Variants in FHIT observed in about 807,000 individuals in gnomAD.
FHIT encodes bis(5'-adenosyl)-triphosphatase.
Under a neutral mutation model 17.9 loss-of-function variants are expected in FHIT, and 19 were observed. That is an observed-to-expected ratio of 1.06 (90% CI 0.74 to 1.56). The LOEUF (loss-of-function observed/expected upper bound fraction) is 1.56, where lower values mean the gene tolerates loss of function less well. FHIT is among the 40% of genes most tolerant of loss of function. The pLI is 0.00. For synonymous variants in FHIT, 81 were observed against 69.7 expected (o/e 1.16, Z -0.81); for missense variants, 248 against 189.2 (o/e 1.31, Z -1.82).
At chr3:60,917,934 C>T (rs997308133) in intron 3 of FHIT, among the ~76,000 whole-genome samples, 2 of 152,186 alleles carry the variant, frequency 1.3e-5, no homozygotes, top group African/African-American at 4.8e-5. Context: ...GTGAACTACA[C>T]CCATTGATAT....
At chr3:59,825,695 A>G (rs1700953471) in intron 8 of FHIT, among the ~76,000 whole-genome samples, 1 of 152,204 alleles carries the variant, frequency 6.6e-6, no homozygotes, top group African/African-American at 2.4e-5. Context: ...AGCCCATTCT[A>G]TAGAAGACTA....
intron 2 of FHIT, among the ~76,000 whole-genome samples, chr3:61,142,296 T>A (rs1342041705): frequency 1.3e-5 from 2 of 151,602 alleles, no homozygotes; most frequent in African/African-American, 2.4e-5. Context: ...GAGTCAAAAG[T>A]AAGCTTTGGT....
At chr3:60,382,185 C>G (rs1384052803) in intron 5 of FHIT, among the ~76,000 whole-genome samples, 5 of 152,152 alleles carry the variant, frequency 3.3e-5, no homozygotes, top group African/African-American at 1.2e-4. Context: ...AATTGGCATC[C>G]TGGAGTAGAA....
intron 4 of FHIT, among the ~76,000 whole-genome samples, chr3:60,711,469 A>G (rs1409326231): frequency 6.6e-6 from 1 of 152,224 alleles, no homozygotes; most frequent in Non-Finnish European, 1.5e-5. Context: ...ATATGATCCA[A>G]CCACTCCGAG....
intron 2 of FHIT, among the ~76,000 whole-genome samples, chr3:61,106,160 A>G (rs1020796852): frequency 3.3e-5 from 5 of 152,210 alleles, no homozygotes; most frequent in Non-Finnish European, 5.9e-5. Flanking sequence ...CACTTAGTTG[A>G]GGGTCAGGCA....
At chr3:60,912,953 C>T (rs180784235) in intron 3 of FHIT, among the ~76,000 whole-genome samples, 5 of 152,260 alleles carry the variant, frequency 3.3e-5, no homozygotes, top group African/African-American at 1.2e-4. Flanking sequence ...TCATTTTTCA[C>T]TCTACTTTAG....
chr3:61,115,982 C>G (rs1335316453), intron 2 of FHIT, among the ~76,000 whole-genome samples: 1 of 152,152 alleles, frequency 6.6e-6, no homozygotes, highest in African/African-American at 2.4e-5. Context: ...CACCAGATGG[C>G]TTACATAATA....
intron 7 of FHIT, among the ~76,000 whole-genome samples, chr3:59,983,763 A>G (rs751408347): frequency 3.3e-5 from 5 of 152,088 alleles, no homozygotes; most frequent in Non-Finnish European, 5.9e-5. Context: ...TCAGAGAAGA[A>G]TGAGAGGATT....
chr3:59,934,219 AATT>A (rs1479525892), intron 7 of FHIT, among the ~76,000 whole-genome samples: 2 of 152,142 alleles, frequency 1.3e-5, no homozygotes, highest in African/African-American at 4.8e-5. Flanking sequence ...ATATAATCCA[AATT>A]ATTATCATCA....
At chr3:60,418,418 A>G (rs1423197185) in intron 5 of FHIT, among the ~76,000 whole-genome samples, 3,684 of 38,016 alleles carry the variant, frequency 0.097, 392 homozygotes, top group South Asian at 0.21. Context: ...ATATATATAT[A>G]TATATATACG....
intron 8 of FHIT, among the ~76,000 whole-genome samples, chr3:59,845,527 T>G (rs1701686913): frequency 6.6e-6 from 1 of 152,154 alleles, no homozygotes; most frequent in African/African-American, 2.4e-5. Context: ...GTTTTCTTAT[T>G]TAATCCAGTT....
At chr3:59,986,942 T>C (rs1355251204) in intron 7 of FHIT, among the ~76,000 whole-genome samples, 1 of 124,576 alleles carries the variant, frequency 8.0e-6, no homozygotes, top group East Asian at 2.2e-4. Context: ...ATAGGATTTA[T>C]ATACATATAT....
chr3:60,468,096 T>C (rs2032895332), intron 5 of FHIT, among the ~76,000 whole-genome samples: 1 of 152,152 alleles, frequency 6.6e-6, no homozygotes, highest in African/African-American at 2.4e-5. Context: ...TTGTCTGATA[T>C]AAGCATAGCT....
intron 8 of FHIT, among the ~76,000 whole-genome samples, chr3:59,820,637 C>G (rs1419932324): frequency 1.3e-5 from 2 of 152,172 alleles, no homozygotes; most frequent in Admixed American, 6.5e-5. Context: ...AGTGGCAGAG[C>G]TGAGTAGTTT....
At chr3:59,906,456 A>T (rs1299677348) in intron 8 of FHIT, among the ~76,000 whole-genome samples, 5 of 152,234 alleles carry the variant, frequency 3.3e-5, no homozygotes. Flanking sequence ...TGTAACACAA[A>T]GTGGATCCAG....
At chr3:60,094,140 G>A (rs974706642) in intron 5 of FHIT, among the ~76,000 whole-genome samples, 1 of 152,060 alleles carries the variant, frequency 6.6e-6, no homozygotes, top group Non-Finnish European at 1.5e-5. Flanking sequence ...GTTTCTAAGA[G>A]AATCTACCCA....
intron 4 of FHIT, among the ~76,000 whole-genome samples, chr3:60,770,855 T>C (rs6780451): frequency 0.12 from 18,354 of 152,286 alleles, 1,343 homozygotes; most frequent in African/African-American, 0.2. Context: ...CCATATCCTT[T>C]AATAAATTCC....
At chr3:60,708,899 T>C (rs1208873543) in intron 4 of FHIT, among the ~76,000 whole-genome samples, 1 of 152,222 alleles carries the variant, frequency 6.6e-6, no homozygotes, top group African/African-American at 2.4e-5. Context: ...CTGTAGCTAG[T>C]AACATTTGTA....
At chr3:61,248,893 A>T (rs1426446060) in intron 1 of FHIT, among the ~76,000 whole-genome samples, 1 of 152,232 alleles carries the variant, frequency 6.6e-6, no homozygotes, top group African/African-American at 2.4e-5. Context: ...CTACTTCGTA[A>T]CACACTCTCC....
Sources: gnomAD v4.1 joint callset for allele counts (sites outside exome capture counted in the v4.1 genomes callset) on GRCh38, gnomAD v4.1.1 for gene constraint, MANE v1.5 for transcripts, NCBI Gene and HGNC (gene_info 2026-07-23, HGNC 2026-07-21) for gene names.